Variants in KAT6B observed in about 807,000 individuals in gnomAD.
KAT6B encodes lysine acetyltransferase 6B.
In KAT6B, 10 loss-of-function variants were observed where a neutral mutation model predicts 187.5. The ratio of observed to expected loss-of-function variants is 0.05; its 90% CI spans 0.03 to 0.09. The LOEUF (loss-of-function observed/expected upper bound fraction) is 0.09. Among genes scored for constraint, KAT6B ranks in the 10% least tolerant of loss-of-function variants. The probability of loss-of-function intolerance (pLI) is 1.00; values close to 1 mark genes in which losing one functional copy is unlikely to be tolerated. For synonymous variants in KAT6B, 861 were observed against 926.8 expected, an observed-to-expected ratio of 0.93 and a Z score of 1.29; for missense variants, 1,952 against 2,558.9, an observed-to-expected ratio of 0.76 and a Z score of 5.12.
At chr10:74,885,881 G>A (rs139071339) in intron 3 of KAT6B, among the ~76,000 whole-genome samples, 4,794 of 152,094 alleles carry the variant, frequency 0.032, 153 homozygotes, top group East Asian at 0.11. Flanking sequence ...ACAGGTGCAC[G>A]CCACCACATC....
At chr10:74,981,306 TCTTCCTTCCTTCCTTCCTTC>T (rs558339853) in intron 10 of KAT6B, among the ~76,000 whole-genome samples, 3 of 139,944 alleles carry the variant, frequency 2.1e-5, no homozygotes, top group African/African-American at 9.2e-5. Flanking sequence ...TTTCTTTCTT[TCTTCCTTCCTTCCTTCCTTC>T]CTTCCTTCCT....
intron 3 of KAT6B, among the ~76,000 whole-genome samples, chr10:74,928,797 A>C (rs941029734): frequency 6.6e-6 from 1 of 152,188 alleles, no homozygotes; most frequent in Non-Finnish European, 1.5e-5. Flanking sequence ...AGGCATGTAC[A>C]TTTTTTAGTT....
chr10:74,839,345 C>CT (rs1841555202), intron 2 of KAT6B, among the ~76,000 whole-genome samples: 1 of 151,394 alleles, frequency 6.6e-6, no homozygotes, highest in South Asian at 2.1e-4. Context: ...ATTCTCCTGC[C>CT]TTAGCCTCCT....
intron 13 of KAT6B, among the ~76,000 whole-genome samples, chr10:75,000,289 A>T (rs1338562939): frequency 6.6e-6 from 1 of 151,982 alleles, no homozygotes; most frequent in Non-Finnish European, 1.5e-5. Flanking sequence ...AGCCTGGAGC[A>T]TGTGTATGTA....
At chr10:74,894,649 A>G (rs1167054033) in intron 3 of KAT6B, among the ~76,000 whole-genome samples, 3 of 152,214 alleles carry the variant, frequency 2.0e-5, no homozygotes, top group Admixed American at 2.0e-4. Context: ...GATAACTCAC[A>G]TCAGTGGAAT....
intron 3 of KAT6B, among the ~76,000 whole-genome samples, chr10:74,954,672 A>G (rs527626784): frequency 6.6e-6 from 1 of 152,250 alleles, no homozygotes; most frequent in East Asian, 1.9e-4. Context: ...CTAGGTCATA[A>G]TATTTTGTTT....
intron 3 of KAT6B, among the ~76,000 whole-genome samples, chr10:74,948,827 A>G (rs1368484919): frequency 6.6e-6 from 1 of 152,238 alleles, no homozygotes; most frequent in Non-Finnish European, 1.5e-5. Context: ...ATGAATTACA[A>G]TACAGAATTT....
At chr10:74,955,868 A>G (rs974396370) in intron 3 of KAT6B, among the ~76,000 whole-genome samples, 2 of 152,088 alleles carry the variant, frequency 1.3e-5, no homozygotes, top group Non-Finnish European at 2.9e-5. Context: ...CGGATCACAG[A>G]TTATATTTAT....
intron 3 of KAT6B, among the ~76,000 whole-genome samples, chr10:74,857,721 T>C (rs951308): frequency 0.31 from 46,555 of 152,054 alleles, 12,576 homozygotes; most frequent in African/African-American, 0.71. Context: ...ATCAAGTCTG[T>C]TTAGAAAGGA....
chr10:74,947,247 C>G (rs1840015182), intron 3 of KAT6B, among the ~76,000 whole-genome samples: 1 of 152,012 alleles, frequency 6.6e-6, no homozygotes, highest in Non-Finnish European at 1.5e-5. Context: ...CCTTGGCCTC[C>G]CAAAAAAGTA....
At chr10:74,942,021 G>T (rs1782825484) in intron 3 of KAT6B, among the ~76,000 whole-genome samples, 1 of 152,222 alleles carries the variant, frequency 6.6e-6, no homozygotes, top group Non-Finnish European at 1.5e-5. Flanking sequence ...ATGGTGTCAG[G>T]TGCCTGTAAT....
intron 13 of KAT6B, among the ~76,000 whole-genome samples, chr10:74,994,511 G>A (rs1843298270): frequency 6.6e-6 from 1 of 152,100 alleles, no homozygotes; most frequent in Non-Finnish European, 1.5e-5. Flanking sequence ...GGCTGGGTGA[G>A]GTGGCTCATG....
In KAT6B at chr10:74,982,204, T is replaced by A. The variant is rs541416468; in HGVS notation, c.2373+276T>A. The A allele has an allele frequency of 4.8e-3, 1,870 of 387,590 alleles. 33 individuals are homozygous for A. Among genetic ancestry groups the A allele is most frequent in the South Asian group, 0.028 (1,167 of 41,288 alleles). 24.0% of individuals were successfully genotyped at this position (387,590 alleles called of 1,614,324 possible). On this transcript the variant is annotated intron_variant, in intron 11 of 17. Transcript: ENST00000287239. ...AGATATATTCACCATGAATTTATGA[T>A]CTCCTCAGCTCTTTGTAAATTCTAC...
chr10:75,024,887 T>G (rs994404896), intron 16 of KAT6B, 71 bp from the exon 17 acceptor site: 2 of 1,398,226 alleles, frequency 1.4e-6, no homozygotes, highest in African/African-American at 2.8e-5. Context: ...TCAGTACATG[T>G]CTACTGCATA....
chr10:74,949,152 A>G (rs1384642252), intron 3 of KAT6B, among the ~76,000 whole-genome samples: 4 of 152,242 alleles, frequency 2.6e-5, no homozygotes, highest in Non-Finnish European at 5.9e-5. Flanking sequence ...TGCTAATATC[A>G]TGATATGCTT....
chr10:74,860,453 T>C (rs1290675965), intron 3 of KAT6B, among the ~76,000 whole-genome samples: 1 of 152,334 alleles, frequency 6.6e-6, no homozygotes, highest in East Asian at 1.9e-4. Context: ...AGATAAGTAC[T>C]GTTATTAACT....
At position 75,024,971 on chromosome 10, in the gene KAT6B, T is replaced by C. The variant is rs1298673476; in HGVS notation, c.3386T>C (p.Leu1129Pro). Residue 1129 changes from leucine (L) to proline (P), a missense_variant, in exon 17 of 18, where the codon CTA becomes CCA. Leu to Pro is a moderately conservative substitution (Grantham distance 98, BLOSUM62 -3). Around this residue, in one of 9 missense-constraint regions of KAT6B, gnomAD observed 758 missense variants for 891.4 expected, o/e 0.85. Transcript: ENST00000287239. ...AATTAATTTCAGAGGCCTTTTGTACTAAAGAAGAAAAGGGGTCGTAAACGC... is the reference window on the plus strand; with the variant it reads ...AATTAATTTCAGAGGCCTTTTGTACCAAAGAAGAAAAGGGGTCGTAAACGC... ...VAIKRKRPFV[L>P]KKKRGRKRRR... The C allele has an allele frequency of 2.5e-6, 4 of 1,614,142 alleles. 1 individual carries two copies. In the East Asian group the frequency reaches 6.7e-5, roughly 27 times the overall value.
intron 3 of KAT6B, among the ~76,000 whole-genome samples, chr10:74,953,085 T>C (rs987440394): frequency 7.2e-5 from 11 of 151,966 alleles, no homozygotes; most frequent in African/African-American, 2.7e-4. Context: ...CATCTTTTTC[T>C]TTTCATTTAG....
At chr10:74,828,846 C>A (rs761902948) in intron 1 of KAT6B, among the ~76,000 whole-genome samples, 2 of 151,886 alleles carry the variant, frequency 1.3e-5, no homozygotes, top group Non-Finnish European at 2.9e-5. Context: ...GGATTACAGG[C>A]GTGAGCCACC....
Sources: allele counts gnomAD v4.1 joint callset (sites outside exome capture counted in the v4.1 genomes callset), GRCh38; gene constraint gnomAD v4.1.1; regional missense constraint gnomAD v4.1.1; transcripts MANE v1.5; gene names NCBI Gene and HGNC (gene_info 2026-07-23, HGNC 2026-07-21).